Variants in TENM4 observed in about 807,000 individuals in gnomAD.
TENM4 encodes the protein teneurin transmembrane protein 4.
TENM4 carries 82 observed loss-of-function variants against 243.3 expected under a neutral mutation model. The ratio of observed to expected loss-of-function variants is 0.34; its 90% CI spans 0.28 to 0.40. The LOEUF is 0.40. Among genes scored for constraint, TENM4 ranks in the 10% least tolerant of loss-of-function variants. The pLI is 1.00. For synonymous variants in TENM4, 1,412 were observed against 1,456.3 expected, an observed-to-expected ratio of 0.97 and a Z score of 0.69; for missense variants, 3,138 against 3,673.3, an observed-to-expected ratio of 0.85 and a Z score of 3.77.
At chr11:79,092,685 A>C (rs759379655) in intron 4 of TENM4, among the ~76,000 whole-genome samples, 15 of 152,238 alleles carry the variant, frequency 9.9e-5, no homozygotes, top group Non-Finnish European at 2.1e-4. Context: ...ACATTAATAA[A>C]GTAATGCATT....
intron 20 of TENM4, 111 bp downstream of exon 20, chr11:78,738,340 C>T (rs1234795660): frequency 2.8e-6 from 4 of 1,407,060 alleles, no homozygotes; most frequent in Non-Finnish European, 3.8e-6. Context: ...AATTCAGGCC[C>T]TCTGAATCCA....
chr11:79,428,277 G>A (rs1415862404), intron 1 of TENM4, among the ~76,000 whole-genome samples: 2 of 152,218 alleles, frequency 1.3e-5, no homozygotes, highest in East Asian at 1.9e-4. Flanking sequence ...AGGTGGGTTT[G>A]AGAAGATCTC....
At chr11:79,292,836 G>A (rs1856379489) in intron 2 of TENM4, among the ~76,000 whole-genome samples, 2 of 152,218 alleles carry the variant, frequency 1.3e-5, no homozygotes, top group African/African-American at 4.8e-5. Flanking sequence ...TTATAGGGTT[G>A]CTTTGAGAAT....
chr11:78,937,613 T>C (rs983686519), intron 6 of TENM4, among the ~76,000 whole-genome samples: 3 of 152,164 alleles, frequency 2.0e-5, no homozygotes, highest in Non-Finnish European at 4.4e-5. Flanking sequence ...AGGCCATTGG[T>C]TTGGACTGAG....
At chr11:79,336,694 T>G (rs1346354288) in intron 1 of TENM4, among the ~76,000 whole-genome samples, 1 of 152,292 alleles carries the variant, frequency 6.6e-6, no homozygotes, top group Non-Finnish European at 1.5e-5. Context: ...CATGCAATAA[T>G]TAAGGTATGT....
At chr11:79,398,919 A>G (rs960322063) in intron 1 of TENM4, among the ~76,000 whole-genome samples, 24 of 151,632 alleles carry the variant, frequency 1.6e-4, no homozygotes, top group African/African-American at 5.8e-4. Flanking sequence ...AATAGGTAGG[A>G]ATTGGCTAAG....
intron 1 of TENM4, among the ~76,000 whole-genome samples, chr11:79,432,951 GTGTTCGTTTTGTT>G (rs1859198940): frequency 6.6e-6 from 1 of 152,168 alleles, no homozygotes; most frequent in African/African-American, 2.4e-5. Flanking sequence ...CATTGAGTAT[GTGTTCGTTTTGTT>G]CTTGCCTCAT....
At chr11:79,409,513 A>C (rs1565334889) in intron 1 of TENM4, among the ~76,000 whole-genome samples, 1 of 152,164 alleles carries the variant, frequency 6.6e-6, no homozygotes, top group Non-Finnish European at 1.5e-5. Flanking sequence ...TTGCTGATGC[A>C]CTTTAACTCT....
At chr11:78,874,553 A>G (rs918597693) in intron 9 of TENM4, among the ~76,000 whole-genome samples, 2 of 152,342 alleles carry the variant, frequency 1.3e-5, no homozygotes, top group African/African-American at 4.8e-5. Flanking sequence ...GAAAAGTCAG[A>G]AGACATAAAC....
chr11:78,879,159 C>T (rs941819209), intron 9 of TENM4, among the ~76,000 whole-genome samples: 11 of 150,934 alleles, frequency 7.3e-5, no homozygotes, highest in Non-Finnish European at 1.2e-4. Context: ...CCGGCCACCC[C>T]GTCTGGGATG....
chr11:79,047,089 C>A (rs528817781), intron 6 of TENM4, among the ~76,000 whole-genome samples: 199 of 152,332 alleles, frequency 1.3e-3, no homozygotes, highest in Non-Finnish European at 1.4e-3. Context: ...AAAGGTTTCA[C>A]GGCATTACCT....
At chr11:79,212,738 C>T (rs1295874619) in intron 3 of TENM4, among the ~76,000 whole-genome samples, 4 of 152,264 alleles carry the variant, frequency 2.6e-5, no homozygotes, top group East Asian at 1.9e-4. Flanking sequence ...TTTTAAATCA[C>T]GTCTCCCTCC....
At chr11:79,241,361 T>C (rs111951465) in intron 2 of TENM4, among the ~76,000 whole-genome samples, 332 of 152,010 alleles carry the variant, frequency 2.2e-3, no homozygotes, top group African/African-American at 7.2e-3. Flanking sequence ...GCAGTGTGAC[T>C]TGGAGAGAGT....
chr11:78,870,726 T>C (rs1011045178), intron 9 of TENM4, among the ~76,000 whole-genome samples: 5 of 152,124 alleles, frequency 3.3e-5, no homozygotes, highest in African/African-American at 1.2e-4. Flanking sequence ...CTTTAAATCA[T>C]GGCGGAGTTG....
At chr11:79,132,353 A>AAAAAAAAAAAAAAAAAG (rs1862024474) in intron 4 of TENM4, among the ~76,000 whole-genome samples, 1 of 149,450 alleles carries the variant, frequency 6.7e-6, no homozygotes. Context: ...CTCAAAAAAA[A>AAAAAAAAAAAAAAAAAG]AAAAAAAAAG....
intron 2 of TENM4, among the ~76,000 whole-genome samples, chr11:79,230,954 GT>G: frequency 6.6e-6 from 1 of 152,324 alleles, no homozygotes; most frequent in African/African-American, 2.4e-5. Context: ...CACCTTGGAT[GT>G]TTCTGTCAGC....
chr11:79,324,079 C>T (rs77853659), intron 1 of TENM4, among the ~76,000 whole-genome samples: 1 of 152,166 alleles, frequency 6.6e-6, no homozygotes, highest in African/African-American at 2.4e-5. Context: ...AACCTACACA[C>T]ATCTTCCTGT....
At chr11:79,280,583 C>G (rs1856139338) in intron 2 of TENM4, among the ~76,000 whole-genome samples, 1 of 152,174 alleles carries the variant, frequency 6.6e-6, no homozygotes, top group Admixed American at 6.5e-5. Context: ...CTGTAATCAC[C>G]CACGCCTGGC....
chr11:79,437,495 C>G (rs1156504462), intron 1 of TENM4, among the ~76,000 whole-genome samples: 1 of 152,182 alleles, frequency 6.6e-6, no homozygotes, highest in African/African-American at 2.4e-5. Context: ...CTTCTCGGCT[C>G]CAGTTTCCCG....
Sources: gnomAD v4.1 joint callset for allele counts (sites outside exome capture counted in the v4.1 genomes callset) on GRCh38, gnomAD v4.1.1 for gene constraint, MANE v1.5 for transcripts, NCBI Gene and HGNC (gene_info 2026-07-23, HGNC 2026-07-21) for gene names.